The following NRXN1 variants were observed in gnomAD, a reference collection of about 807,000 sequenced individuals.
The protein encoded by NRXN1 is neurexin-1.
A neutral mutation model predicts 150.9 loss-of-function variants in NRXN1; 39 were observed. That is an observed-to-expected ratio of 0.26 (90% CI 0.20 to 0.34). The LOEUF is 0.34. Among genes scored for constraint, NRXN1 ranks in the 10% least tolerant of loss-of-function variants. The probability of loss-of-function intolerance (pLI) is 1.00; values close to 1 mark genes in which losing one functional copy is unlikely to be tolerated. For synonymous variants in NRXN1, 924 were observed against 757.0 expected (o/e 1.22, Z -3.62); for missense variants, 1,815 against 1,949.9 (o/e 0.93, Z 1.30).
intron 17 of NRXN1, among the ~76,000 whole-genome samples, chr2:50,361,927 A>G (rs34980858): frequency 0.24 from 35,771 of 152,140 alleles, 4,642 homozygotes; most frequent in East Asian, 0.43. Flanking sequence ...CATCCCTGGG[A>G]TGCCAGGCTG....
intron 18 of NRXN1, among the ~76,000 whole-genome samples, chr2:50,110,491 C>CAAAAAAAAAAAAAAA: frequency 1.2e-5 from 1 of 85,626 alleles, no homozygotes; most frequent in Non-Finnish European, 2.3e-5. Context: ...GACTCTGTCT[C>CAAAAAAAAAAAAAAA]AAAAAAAAAA....
chr2:50,663,965 C>T (rs376577737), intron 5 of NRXN1, among the ~76,000 whole-genome samples: 23 of 152,024 alleles, frequency 1.5e-4, no homozygotes, highest in African/African-American at 5.5e-4. Context: ...CTCAATGGCA[C>T]CATCTCTAGG....
chr2:50,090,757 C>T (rs1384469162), intron 19 of NRXN1, among the ~76,000 whole-genome samples: 2 of 152,020 alleles, frequency 1.3e-5, no homozygotes, highest in African/African-American at 4.8e-5. Context: ...TCATGAAACT[C>T]TATGGTTATA....
chr2:50,364,482 G>A (rs2079446338), intron 17 of NRXN1, among the ~76,000 whole-genome samples: 1 of 152,108 alleles, frequency 6.6e-6, no homozygotes, highest in South Asian at 2.1e-4. Context: ...ATATAAAACA[G>A]CTACAAATAA....
At chr2:50,568,909 C>G (rs142194112) in intron 8 of NRXN1, among the ~76,000 whole-genome samples, 1 of 151,912 alleles carries the variant, frequency 6.6e-6, no homozygotes, top group Non-Finnish European at 1.5e-5. Context: ...CACCAACAGA[C>G]AAATCAATAA....
intron 2 of NRXN1, chr2:50,964,135 T>C (rs1046976667): frequency 4.1e-5 from 12 of 291,592 alleles, no homozygotes; most frequent in Middle Eastern, 1.0e-3. Flanking sequence ...ATCTCAACTA[T>C]TGATACATTT....
At chr2:50,737,408 T>C (rs1326110311) in intron 5 of NRXN1, among the ~76,000 whole-genome samples, 2 of 152,274 alleles carry the variant, frequency 1.3e-5, no homozygotes, top group Admixed American at 1.3e-4. Context: ...TTACTCCAGA[T>C]ACTCTATGGG....
At position 50,976,474 on chromosome 2, in the gene NRXN1, ACCCTAAATGTTAT is replaced by A. The variant is rs1480967702; in HGVS notation, c.773-50532_773-50520del. 3.3e-5 allele frequency among the ~76,000 whole-genome samples: 5 copies of A among 151,494 alleles called. No individual in the cohort carries two copies. In the Admixed American group the frequency reaches 3.3e-4, roughly 10 times the overall value. ...GAAGAGAATATGTTATCCTTCCCCCACCCTAAATGTTATCCCTTTTTGATTTGAAAAGGCACAC... is the reference window on the plus strand; with the variant it reads ...GAAGAGAATATGTTATCCTTCCCCCACCCTTTTTGATTTGAAAAGGCACAC... On this transcript the variant is annotated intron_variant, in intron 2 of 22. Transcript: ENST00000401669.
At chr2:50,627,154 T>C (rs776392409) in intron 5 of NRXN1, among the ~76,000 whole-genome samples, 2 of 151,816 alleles carry the variant, frequency 1.3e-5, no homozygotes, top group African/African-American at 2.4e-5. Context: ...AAGATAAAAA[T>C]TGACCAACTG....
intron 5 of NRXN1, among the ~76,000 whole-genome samples, chr2:50,834,540 G>A (rs920731658): frequency 4.6e-5 from 7 of 152,100 alleles, no homozygotes; most frequent in Non-Finnish European, 8.8e-5. Flanking sequence ...CCAGTTTCAT[G>A]TATCATAATG....
At chr2:50,413,755 C>T (rs1405064680) in intron 17 of NRXN1, among the ~76,000 whole-genome samples, 1 of 152,084 alleles carries the variant, frequency 6.6e-6, no homozygotes, top group African/African-American at 2.4e-5. Context: ...GCACTCTTTA[C>T]AATAACTAAG....
intron 15 of NRXN1, among the ~76,000 whole-genome samples, chr2:50,474,144 T>C (rs887089549): frequency 6.6e-6 from 1 of 151,950 alleles, no homozygotes; most frequent in East Asian, 1.9e-4. Flanking sequence ...TTTGAAGAAT[T>C]ATTTGATTTT....
intron 5 of NRXN1, among the ~76,000 whole-genome samples, chr2:50,818,650 C>T (rs540296641): frequency 6.6e-6 from 1 of 151,324 alleles, no homozygotes; most frequent in Non-Finnish European, 1.5e-5. Context: ...ACCAAAAGTA[C>T]AGAAAAGAGG....
At chr2:50,147,592 G>C (rs1042333417) in intron 18 of NRXN1, among the ~76,000 whole-genome samples, 1 of 151,674 alleles carries the variant, frequency 6.6e-6, no homozygotes, top group South Asian at 2.1e-4. Context: ...TCAACTACGT[G>C]ATTGACTGTA....
intron 17 of NRXN1, among the ~76,000 whole-genome samples, chr2:50,375,135 T>C (rs2080387712): frequency 6.6e-6 from 1 of 152,152 alleles, no homozygotes; most frequent in Admixed American, 6.6e-5. Flanking sequence ...ATATATTGGA[T>C]GCCATTCTAA....
At chr2:50,847,805 C>CA (rs987109244) in intron 5 of NRXN1, among the ~76,000 whole-genome samples, 11 of 152,022 alleles carry the variant, frequency 7.2e-5, no homozygotes, top group African/African-American at 2.7e-4. Flanking sequence ...GCCAGCCGTC[C>CA]ACCATCGAAA....
chr2:50,348,932 G>A (rs2078231479), intron 17 of NRXN1, among the ~76,000 whole-genome samples: 1 of 151,150 alleles, frequency 6.6e-6, no homozygotes, highest in Non-Finnish European at 1.5e-5. Flanking sequence ...CTACATAATT[G>A]TTATCAACAA....
chr2:50,036,290 C>T (rs537003732), intron 21 of NRXN1, among the ~76,000 whole-genome samples: 1 of 152,230 alleles, frequency 6.6e-6, no homozygotes, highest in Admixed American at 6.5e-5. Context: ...CTCCTTCCTG[C>T]TGCCTTGTGA....
intron 5 of NRXN1, among the ~76,000 whole-genome samples, chr2:50,806,484 T>C (rs1321979714): frequency 2.0e-5 from 3 of 152,192 alleles, no homozygotes; most frequent in Non-Finnish European, 4.4e-5. Flanking sequence ...TTTGTTCAAA[T>C]GTTTTACTTT....
Sources: allele counts gnomAD v4.1 joint callset (sites outside exome capture counted in the v4.1 genomes callset), GRCh38; gene constraint gnomAD v4.1.1; transcripts MANE v1.5; gene names NCBI Gene and HGNC (gene_info 2026-07-23, HGNC 2026-07-21).